Variants in ITPR1 observed in about 807,000 individuals in gnomAD.
ITPR1 encodes inositol 1,4,5-trisphosphate-gated calcium channel ITPR1.
Under a neutral mutation model 318.4 loss-of-function variants are expected in ITPR1, and 96 were observed. The ratio of observed to expected loss-of-function variants is 0.30; its 90% CI spans 0.26 to 0.36. The LOEUF (loss-of-function observed/expected upper bound fraction) is 0.36, where lower values mean the gene tolerates loss of function less well. Ranked by LOEUF, ITPR1 falls within the 10% of genes least tolerant of loss-of-function variation. ITPR1 has a pLI of 1.00. For synonymous variants in ITPR1, 1,312 were observed against 1,289.9 expected (o/e 1.02, Z -0.37); for missense variants, 2,440 against 3,460.2 (o/e 0.71, Z 7.40).
Position 4,663,215 on chromosome 3 carries a change from G to A in ITPR1, c.1554+9G>A, listed in dbSNP as rs572227941. On this transcript the variant is annotated intron_variant, in intron 16 of 61. Transcript: ENST00000649015. Reference sequence around the variant, plus strand: ...AGAATATTCTCAAGCAGGTCGGTGAGATGTGGCGTACTGGGGATTTGGCTT... The same window carrying A: ...AGAATATTCTCAAGCAGGTCGGTGAAATGTGGCGTACTGGGGATTTGGCTT... 3.1e-6 allele frequency: 5 copies of A among 1,607,038 alleles called. No individual in the cohort carries two copies. Among genetic ancestry groups the A allele is most frequent in the Non-Finnish European group, 4.3e-6 (5 of 1,175,328 alleles).
chr3:4,652,358 T>G (rs965670389), intron 11 of ITPR1, 140 bp downstream of exon 11: 1 of 660,550 alleles, frequency 1.5e-6, no homozygotes, highest in Non-Finnish European at 2.6e-6. Context: ...TTTTTCTGTT[T>G]CCTTCTGATT....
At chr3:4,806,315 G>T in intron 55 of ITPR1, 48 bp downstream of exon 55, 1 of 1,530,918 alleles carries the variant, frequency 6.5e-7, no homozygotes, top group South Asian at 1.1e-5. Flanking sequence ...AACTAGGAGA[G>T]TGTCCTATGT....
In ITPR1 at chr3:4,710,220, C is replaced by T. The variant is rs2041251002; in HGVS notation, c.4843-105C>T. 1 of 1,116,974 alleles carries T rather than the reference C, an allele frequency of 9.0e-7. No homozygotes were observed. Among genetic ancestry groups the T allele is most frequent in the Admixed American group, 3.3e-5 (1 of 30,386 alleles). The allele number at this position is 1,116,974 out of a possible 1,614,324, so 69.2% of individuals were successfully genotyped here. A position where few individuals can be genotyped will look rare whatever the true frequency, so the allele number is the denominator to read the frequency against. On this transcript the variant is annotated intron_variant, in intron 37 of 61. Coordinates refer to ENST00000649015, the MANE Select transcript of ITPR1 (RefSeq NM_001378452.1). The surrounding 1 kb of genome is among the most constrained non-coding windows in gnomAD (Gnocchi z 4.2). ...CAGACGGTACTAAAGTTACTCTAAC[C>T]TAGCCTACCCGTGCATCAGTGTTTT... is the stretch of plus-strand genomic sequence containing the variant.
intron 4 of ITPR1, among the ~76,000 whole-genome samples, chr3:4,599,899 G>A (rs1298026582): frequency 2.0e-5 from 3 of 152,176 alleles, no homozygotes; most frequent in African/African-American, 4.8e-5. Context: ...GTATGAAACC[G>A]TGAAACTCAC....
chr3:4,618,268 C>T (rs76403036), intron 4 of ITPR1, among the ~76,000 whole-genome samples: 9 of 152,308 alleles, frequency 5.9e-5, no homozygotes, highest in South Asian at 2.1e-4. Context: ...TGACACCTCA[C>T]GCCTTCTCAC....
At chr3:4,788,388 T>C (rs2125406342) in intron 52 of ITPR1, among the ~76,000 whole-genome samples, 1 of 152,318 alleles carries the variant, frequency 6.6e-6, no homozygotes, top group South Asian at 2.1e-4. Context: ...GAAAGCTCCA[T>C]GGAAGACTTT....
At chr3:4,817,202 A>G (rs1410960453) in intron 59 of ITPR1, among the ~76,000 whole-genome samples, 2 of 152,124 alleles carry the variant, frequency 1.3e-5, no homozygotes, top group Non-Finnish European at 1.5e-5. Flanking sequence ...GGAATCAGCC[A>G]TTTCTCCAAA....
chr3:4,616,094 A>T (rs1389578897), intron 4 of ITPR1, among the ~76,000 whole-genome samples: 2 of 152,274 alleles, frequency 1.3e-5, no homozygotes, highest in African/African-American at 2.4e-5. Context: ...TGCAGCAGAC[A>T]CAACAGTGTT....
At chr3:4,712,782 T>TAATAC (rs1206047701) in intron 39 of ITPR1, among the ~76,000 whole-genome samples, 5 of 152,258 alleles carry the variant, frequency 3.3e-5, no homozygotes, top group African/African-American at 1.2e-4. Flanking sequence ...GCAATGTTAC[T>TAATAC]AGTGAGACTC....
intron 54 of ITPR1, among the ~76,000 whole-genome samples, chr3:4,801,236 A>C (rs1285729619): frequency 1.3e-5 from 2 of 152,216 alleles, no homozygotes; most frequent in Non-Finnish European, 2.9e-5. Context: ...TGGACATGTG[A>C]GGCACTGGAG....
At chr3:4,530,440 C>T (rs912928266) in intron 4 of ITPR1, among the ~76,000 whole-genome samples, 3 of 152,242 alleles carry the variant, frequency 2.0e-5, no homozygotes, top group African/African-American at 4.8e-5. Flanking sequence ...GATGACTTAA[C>T]GCTGCCCTGT....
At chr3:4,630,688 C>T (rs1476497426) in intron 5 of ITPR1, among the ~76,000 whole-genome samples, 2 of 151,746 alleles carry the variant, frequency 1.3e-5, no homozygotes, top group Admixed American at 6.6e-5. Context: ...CGGGCTCAAG[C>T]GATTTTTCTG....
intron 17 of ITPR1, among the ~76,000 whole-genome samples, chr3:4,665,845 A>T (rs1034259327): frequency 2.0e-5 from 3 of 152,250 alleles, no homozygotes; most frequent in African/African-American, 7.2e-5. Context: ...AGCTCCAAAC[A>T]ACCTTCAGAT....
intron 42 of ITPR1, among the ~76,000 whole-genome samples, chr3:4,732,001 C>T (rs922106907): frequency 1.3e-5 from 2 of 152,186 alleles, no homozygotes; most frequent in African/African-American, 4.8e-5. Context: ...CTCTTCATGA[C>T]GTACCAGAGG....
At chr3:4,581,358 T>C (rs931623838) in intron 4 of ITPR1, among the ~76,000 whole-genome samples, 1 of 152,202 alleles carries the variant, frequency 6.6e-6, no homozygotes, top group Non-Finnish European at 1.5e-5. Context: ...CTGACTTCAC[T>C]CCCTGGTGTA....
chr3:4,670,367 A>T (rs2094048024), intron 19 of ITPR1, among the ~76,000 whole-genome samples: 2 of 152,146 alleles, frequency 1.3e-5, no homozygotes, highest in South Asian at 4.1e-4. Flanking sequence ...CAGTTTAGGT[A>T]TTTTCACATT....
chr3:4,504,751 T>G (rs1373504761), intron 2 of ITPR1, among the ~76,000 whole-genome samples: 3 of 152,310 alleles, frequency 2.0e-5, no homozygotes, highest in Non-Finnish European at 2.9e-5. Context: ...GAGCAGAGAC[T>G]GTTGTAAAGG....
rs532118767 is a variant in ITPR1, at chr3:4,521,187, T to G, written c.163+93T>G. 5 of 753,606 alleles carry G rather than the reference T, an allele frequency of 6.6e-6. No homozygotes were observed. In the African/African-American group the frequency reaches 7.1e-5, roughly 11 times the overall value. The allele number at this position is 753,606 out of a possible 1,614,324, so 46.7% of individuals were successfully genotyped here. On this transcript the variant is annotated intron_variant, in intron 4 of 61. Transcript: ENST00000649015. ...TGTGTGTGTGTGTTTATAAGCAAAA[T>G]AGGCTTATTTATTATGTATTTTTTT...
Position 4,839,217 on chromosome 3 carries a change from C to T in ITPR1, c.8190+2282C>T, listed in dbSNP as rs190828031. Among the ~76,000 whole-genome samples the T allele has an allele frequency of 3.7e-4, 57 of 152,182 alleles. 1 individual carries two copies. In the East Asian group the frequency reaches 4.3e-3, roughly 11 times the overall value. ...TGGCACATGCCTGTGATCACAGCTA[C>T]TCAGGAGGCTGAGGCAGGAGAATCG... On this transcript the variant is annotated intron_variant, in intron 61 of 61. Transcript: ENST00000649015.
Sources: allele counts gnomAD v4.1 joint callset (sites outside exome capture counted in the v4.1 genomes callset), GRCh38; gene constraint gnomAD v4.1.1; non-coding constraint Gnocchi (gnomAD v3.1); transcripts MANE v1.5; gene names NCBI Gene and HGNC (gene_info 2026-07-23, HGNC 2026-07-21).